The following CFAP77 variants were observed in gnomAD, a reference collection of about 807,000 sequenced individuals.
The protein encoded by CFAP77 is cilia and flagella associated protein 77, also known as cilia- and flagella-associated protein 77.
Under a neutral mutation model 31.1 loss-of-function variants are expected in CFAP77, and 25 were observed. The observed-to-expected ratio is 0.80, with a 90% CI of 0.59 to 1.12. The LOEUF (loss-of-function observed/expected upper bound fraction) is 1.12, where lower values mean the gene tolerates loss of function less well. CFAP77 is among the 50% of genes most tolerant of loss of function. CFAP77 has a pLI of 0.00. For synonymous variants in CFAP77, 151 were observed against 159.9 expected, an observed-to-expected ratio of 0.94 and a Z score of 0.42; for missense variants, 377 against 397.3, an observed-to-expected ratio of 0.95 and a Z score of 0.44.
chr9:132,522,057 C>T (rs529480912), intron 3 of CFAP77, among the ~76,000 whole-genome samples: 3 of 152,274 alleles, frequency 2.0e-5, no homozygotes, highest in East Asian at 1.9e-4. Flanking sequence ...CCACTACACC[C>T]GGCCCCAGAC....
chr9:132,498,009 G>T lies in CFAP77; in HGVS notation c.196-686G>T, dbSNP rs1851773653. Among the ~76,000 whole-genome samples, 2 of 152,168 alleles carry T rather than the reference G, an allele frequency of 1.3e-5. No homozygotes were observed. The highest frequency in any genetic ancestry group is 2.9e-5 in the Non-Finnish European group (2 of 68,018). ...ATCGACCCTGCCTCTCTAGGCCTCA[G>T]TTTCTATAGCTATAAATGGGTGGTG... On this transcript the variant is annotated intron_variant, in intron 1 of 5. Coordinates refer to ENST00000393216, the MANE Select transcript of CFAP77 (RefSeq NM_001282957.2). This position sits in a 1 kb window ranked among gnomAD's most constrained non-coding sequence, Gnocchi z 4.2.
Position 132,495,403 on chromosome 9 carries a change from C to T in CFAP77, c.196-3292C>T, listed in dbSNP as rs1390127156. Reference sequence around the variant, plus strand: ...GGCAGAGTCTCTCCCAGAGAAGTCACATTTTAATTAACTTCCCCGGCAGTC... The same window carrying T: ...GGCAGAGTCTCTCCCAGAGAAGTCATATTTTAATTAACTTCCCCGGCAGTC... On this transcript the variant is annotated intron_variant, in intron 1 of 5. Transcript: ENST00000393216. The surrounding 1 kb of genome is among the most constrained non-coding windows in gnomAD (Gnocchi z 4.2). Among the ~76,000 whole-genome samples, 3 of 152,174 alleles carry T rather than the reference C, an allele frequency of 2.0e-5. No homozygotes were observed. Among genetic ancestry groups the T allele is most frequent in the Admixed American group, 6.5e-5 (1 of 15,276 alleles).
intron 1 of CFAP77, 97 bp downstream of exon 1, chr9:132,410,563 G>T (rs1425918781): frequency 8.1e-6 from 9 of 1,109,222 alleles, no homozygotes; most frequent in Non-Finnish European, 1.1e-5. Context: ...CCCGCGGCCC[G>T]GGGTCCGAGC....
chr9:132,532,191 C>G (rs1852464893), intron 3 of CFAP77, among the ~76,000 whole-genome samples: 2 of 152,240 alleles, frequency 1.3e-5, no homozygotes, highest in East Asian at 3.8e-4. Context: ...CTGGAAGCTG[C>G]TGAACCTTTG....
intron 1 of CFAP77, among the ~76,000 whole-genome samples, chr9:132,488,115 A>G (rs752145824): frequency 2.0e-5 from 3 of 152,186 alleles, no homozygotes; most frequent in African/African-American, 7.2e-5. Context: ...TCAACTGTCA[A>G]ACAAACATTA....
intron 1 of CFAP77, among the ~76,000 whole-genome samples, chr9:132,422,382 C>T (rs1054984337): frequency 2.6e-5 from 4 of 152,244 alleles, no homozygotes; most frequent in African/African-American, 4.8e-5. Flanking sequence ...ATACACATTG[C>T]GGAGGAGTGC....
intron 3 of CFAP77, among the ~76,000 whole-genome samples, chr9:132,504,080 T>A (rs1851896142): frequency 6.6e-6 from 1 of 152,202 alleles, no homozygotes; most frequent in African/African-American, 2.4e-5. Context: ...AGGACACTTG[T>A]GATCACCTGG....
rs146406424 is a variant in CFAP77, at chr9:132,544,162, C to A, written c.732+1115C>A. On this transcript the variant is annotated intron_variant, in intron 5 of 5. Coordinates refer to ENST00000393216, the MANE Select transcript of CFAP77 (RefSeq NM_001282957.2). ...CACCGGAGAAACCTGCTCTGCCCCC[C>A]CTTGACGCGGCCTCTCATGTCCTGC... Among the ~76,000 whole-genome samples the A allele has an allele frequency of 6.9e-3, 1,056 of 152,372 alleles. 1 individual carries two copies. The highest frequency in any genetic ancestry group is 0.011 in the Non-Finnish European group (730 of 68,036).
chr9:132,434,755 C>T (rs1850474337), intron 1 of CFAP77, among the ~76,000 whole-genome samples: 1 of 152,092 alleles, frequency 6.6e-6, no homozygotes, highest in Admixed American at 6.6e-5. Context: ...GATATAGGAA[C>T]CTGTAGGGGG....
chr9:132,467,446 C>A (rs888135018), intron 1 of CFAP77, among the ~76,000 whole-genome samples: 4 of 152,152 alleles, frequency 2.6e-5, no homozygotes, highest in African/African-American at 9.7e-5. Flanking sequence ...TGGAATCATA[C>A]TTTGTCCTTT....
intron 1 of CFAP77, among the ~76,000 whole-genome samples, chr9:132,473,982 C>A (rs1388006970): frequency 2.0e-5 from 3 of 152,200 alleles, no homozygotes; most frequent in African/African-American, 7.2e-5. Context: ...CGCGCCTGGG[C>A]TGATCTTGGC....
At chr9:132,477,857 C>T (rs754417226) in intron 1 of CFAP77, among the ~76,000 whole-genome samples, 2 of 152,280 alleles carry the variant, frequency 1.3e-5, no homozygotes, top group Non-Finnish European at 2.9e-5. Context: ...CCAGCATTCA[C>T]GAGGGAGGAG....
At chr9:132,485,238 A>G (rs1851520716) in intron 1 of CFAP77, among the ~76,000 whole-genome samples, 1 of 152,178 alleles carries the variant, frequency 6.6e-6, no homozygotes, top group East Asian at 1.9e-4. Flanking sequence ...ACTACTTTTT[A>G]TTAAGAAGCT....
rs949955618 is a variant in CFAP77 at position 132,424,953 on chromosome 9, C to T, written c.195+14487C>T. Among the ~76,000 whole-genome samples, 1 of 152,186 alleles carries T rather than the reference C, an allele frequency of 6.6e-6. No individual in the cohort carries two copies. The highest frequency in any genetic ancestry group is 1.5e-5 in the Non-Finnish European group (1 of 68,042). The stretch of plus-strand genomic sequence containing the variant: ...AGATTAGCGCCAGCAATGAAAAGCA[C>T]AGTCCCGCTCACCCTCGCAGTTAGT... On this transcript the variant is annotated intron_variant, in intron 1 of 5. Coordinates refer to ENST00000393216, the MANE Select transcript of CFAP77 (RefSeq NM_001282957.2). This position sits in a 1 kb window ranked among gnomAD's most constrained non-coding sequence, Gnocchi z 4.1.
intron 1 of CFAP77, among the ~76,000 whole-genome samples, chr9:132,416,726 C>T (rs1451559594): frequency 6.6e-6 from 1 of 151,696 alleles, no homozygotes; most frequent in African/African-American, 2.4e-5. Flanking sequence ...CAGCCTTCGC[C>T]TCCTGGGTTC....
chr9:132,464,381 G>A (rs982962054), intron 1 of CFAP77, among the ~76,000 whole-genome samples: 3 of 151,926 alleles, frequency 2.0e-5, no homozygotes, highest in African/African-American at 7.3e-5. Context: ...ACCGGACGAG[G>A]CAGAACTGTG....
intron 1 of CFAP77, among the ~76,000 whole-genome samples, chr9:132,491,580 A>G (rs1851654549): frequency 6.6e-6 from 1 of 152,364 alleles, no homozygotes; most frequent in African/African-American, 2.4e-5. Context: ...TTACCTGCAC[A>G]GTCGTAGGAG....
rs576276433 is a variant in CFAP77, at chr9:132,439,884, A to G, written c.195+29418A>G. On this transcript the variant is annotated intron_variant, in intron 1 of 5. Coordinates refer to ENST00000393216, the MANE Select transcript of CFAP77 (RefSeq NM_001282957.2). ...AAAAAAAAAAAAGATGCTCTAATCT[A>G]CCTGTCCAGAGCAAACATCTCTCTT... 2.7e-5 allele frequency among the ~76,000 whole-genome samples: 4 copies of G among 150,146 alleles called. No individual in the cohort carries two copies. The South Asian group carries it at 8.4e-4, about 32-fold the overall frequency.
At chr9:132,502,280 G>T (rs200042913) in intron 3 of CFAP77, among the ~76,000 whole-genome samples, 4 of 145,480 alleles carry the variant, frequency 2.7e-5, no homozygotes, top group Non-Finnish European at 4.5e-5. Flanking sequence ...TTTTTTTTGG[G>T]GGAGGGGGGT....
Sources: allele counts gnomAD v4.1 joint callset (sites outside exome capture counted in the v4.1 genomes callset), GRCh38; gene constraint gnomAD v4.1.1; non-coding constraint Gnocchi (gnomAD v3.1); transcripts MANE v1.5; gene names NCBI Gene and HGNC (gene_info 2026-07-23, HGNC 2026-07-21).